Variants in GPHN observed in about 807,000 individuals in gnomAD.
GPHN encodes the protein gephyrin.
Under a neutral mutation model 95.5 loss-of-function variants are expected in GPHN, and 17 were observed. The observed-to-expected ratio is 0.18, with a 90% CI of 0.12 to 0.27. GPHN has a LOEUF of 0.27. Ranked by LOEUF, GPHN falls within the 10% of genes least tolerant of loss-of-function variation. The pLI, the probability that GPHN is intolerant of heterozygous loss-of-function variation, is 1.00. For missense variants in GPHN, 660 were observed against 978.1 expected (o/e 0.67, Z 4.34); for synonymous variants, 320 against 322.5 (o/e 0.99, Z 0.08).
chr14:67,076,626 TAGTTGTTATGTGAAAAA>T (rs2076503865), intron 11 of GPHN, among the ~76,000 whole-genome samples: 1 of 152,172 alleles, frequency 6.6e-6, no homozygotes, highest in African/African-American at 2.4e-5. Context: ...GCGCAGTGAA[TAGTTGTTATGTGAAAAA>T]AGATCTTACA....
chr14:67,001,063 A>G (rs781764668), intron 9 of GPHN, among the ~76,000 whole-genome samples: 228 of 151,636 alleles, frequency 1.5e-3, no homozygotes, highest in Non-Finnish European at 1.4e-3. Flanking sequence ...GTTTAAGATG[A>G]GGGAATATTA....
chr14:67,144,276 T>C (rs1180772620), intron 18 of GPHN, among the ~76,000 whole-genome samples: 1 of 109,126 alleles, frequency 9.2e-6, no homozygotes, highest in African/African-American at 3.8e-5. Context: ...TATATATATA[T>C]ATATATATAT....
At chr14:66,787,888 G>GA (rs909056843) in intron 3 of GPHN, among the ~76,000 whole-genome samples, 24 of 142,422 alleles carry the variant, frequency 1.7e-4, no homozygotes, top group Admixed American at 9.1e-4. Flanking sequence ...ACTGTCAGAA[G>GA]AAAAAAAAAA....
intron 11 of GPHN, among the ~76,000 whole-genome samples, chr14:67,082,862 G>C (rs1171920170): frequency 6.6e-6 from 1 of 152,128 alleles, no homozygotes; most frequent in Non-Finnish European, 1.5e-5. Context: ...ATGTACCACA[G>C]ATATACCACA....
At chr14:66,601,316 A>G (rs1169544831) in intron 1 of GPHN, among the ~76,000 whole-genome samples, 1 of 152,006 alleles carries the variant, frequency 6.6e-6, no homozygotes, top group Non-Finnish European at 1.5e-5. Context: ...GAGACCACGG[A>G]AAGGCTTTAG....
the GPHN span, among the ~76,000 whole-genome samples, chr14:67,565,185 C>T: frequency 2.6e-5 from 4 of 152,058 alleles, no homozygotes; most frequent in African/African-American, 9.7e-5. Context: ...ACCACTGTTC[C>T]CCACAGACTT....
chr14:67,226,342 C>A, the GPHN span, among the ~76,000 whole-genome samples: 7 of 151,092 alleles, frequency 4.6e-5, no homozygotes, highest in African/African-American at 1.7e-4. Context: ...CAGACAAGCA[C>A]CACCACAACC....
intron 1 of GPHN, among the ~76,000 whole-genome samples, chr14:66,571,638 G>A (rs892235034): frequency 3.3e-5 from 5 of 151,850 alleles, no homozygotes; most frequent in Non-Finnish European, 5.9e-5. Flanking sequence ...TGGTGAAACC[G>A]CGTCTCTACT....
At chr14:67,369,074 A>C in the GPHN span, among the ~76,000 whole-genome samples, 9 of 152,210 alleles carry the variant, frequency 5.9e-5, no homozygotes, top group Non-Finnish European at 1.2e-4. Flanking sequence ...TAAATCAAGT[A>C]AATATTCCAG....
the GPHN span, among the ~76,000 whole-genome samples, chr14:67,517,310 C>T: frequency 2.9e-3 from 441 of 152,304 alleles, 5 homozygotes; most frequent in African/African-American, 9.9e-3. Flanking sequence ...GGCAGCATTG[C>T]GCAGAGGAAA....
the GPHN span, chr14:67,225,070 A>G: frequency 1.3e-6 from 2 of 1,492,978 alleles, no homozygotes; most frequent in Non-Finnish European, 1.8e-6. Flanking sequence ...CTTCCTCTCT[A>G]TTGATCTCTC....
intron 9 of GPHN, among the ~76,000 whole-genome samples, chr14:67,005,319 G>C (rs568636394): frequency 6.6e-6 from 1 of 151,768 alleles, no homozygotes; most frequent in South Asian, 2.1e-4. Context: ...TTTTTTAATA[G>C]TATTCTTTCA....
intron 10 of GPHN, among the ~76,000 whole-genome samples, chr14:67,045,515 GTCTC>G (rs1186056651): frequency 1.4e-5 from 2 of 147,232 alleles, no homozygotes; most frequent in African/African-American, 5.0e-5. Flanking sequence ...TTCTCTGTCT[GTCTC>G]TCTCTGTGTA....
intron 2 of GPHN, among the ~76,000 whole-genome samples, chr14:66,763,073 C>G (rs2058818762): frequency 6.6e-6 from 1 of 152,134 alleles, no homozygotes; most frequent in African/African-American, 2.4e-5. Context: ...TACATGCATA[C>G]TATATACTGT....
chr14:67,458,524 C>T, the GPHN span, among the ~76,000 whole-genome samples: 6,762 of 152,130 alleles, frequency 0.044, 480 homozygotes, highest in African/African-American at 0.15. Context: ...GTCAGGATCT[C>T]GACTGATACT....
the GPHN span, among the ~76,000 whole-genome samples, chr14:67,382,239 C>G: frequency 6.6e-6 from 1 of 151,508 alleles, no homozygotes; most frequent in East Asian, 2.0e-4. Flanking sequence ...GCATTAGATC[C>G]CTGTGTTGAT....
At chr14:67,576,039 T>C in the GPHN span, 1 of 1,522,822 alleles carries the variant, frequency 6.6e-7, no homozygotes, top group Non-Finnish European at 9.0e-7. This position sits in a 1 kb window ranked among gnomAD's most constrained non-coding sequence, Gnocchi z 4.0. Context: ...AGGGCCAAGC[T>C]TGGACCTGTG....
chr14:67,608,367 G>A, the GPHN span, among the ~76,000 whole-genome samples: 1 of 152,208 alleles, frequency 6.6e-6, no homozygotes, highest in Non-Finnish European at 1.5e-5. Flanking sequence ...GGTATAAGAA[G>A]TAATCTAGAG....
At chr14:67,186,383 CA>C (rs527872672), downstream of GPHN, among the ~76,000 whole-genome samples, 414 of 152,258 alleles carry the variant, frequency 2.7e-3, no homozygotes, top group African/African-American at 9.4e-3. Context: ...GCAGAAATCA[CA>C]CTAAGTATTT....
Sources: gnomAD v4.1 joint callset for allele counts (sites outside exome capture counted in the v4.1 genomes callset) on GRCh38, gnomAD v4.1.1 for gene constraint, Gnocchi (gnomAD v3.1) non-coding constraint, MANE v1.5 for transcripts, NCBI Gene and HGNC (gene_info 2026-07-23, HGNC 2026-07-21) for gene names.